The following NEK4 variants were observed in gnomAD, a reference collection of about 807,000 sequenced individuals.
The protein encoded by NEK4 is serine/threonine-protein kinase Nek4.
In NEK4, 86 loss-of-function variants were observed where a neutral mutation model predicts 98.4. That is an observed-to-expected ratio of 0.87 (90% CI 0.73 to 1.05). The LOEUF (loss-of-function observed/expected upper bound fraction) is 1.05, where lower values mean the gene tolerates loss of function less well. NEK4 is among the 50% of genes least tolerant of loss of function. The pLI is 0.00. For synonymous variants in NEK4, 328 were observed against 342.2 expected (o/e 0.96, Z 0.46); for missense variants, 898 against 950.3 (o/e 0.94, Z 0.72).
chr3:52,752,150 G>A lies in NEK4; in HGVS notation c.1150C>T (p.Gln384Ter). ...TCCAAATATCTTGGCTGATTCTCCTGAACAAAGCCATCACTCACTGAATCC... is the reference window on the plus strand; with the variant it reads ...TCCAAATATCTTGGCTGATTCTCCTAAACAAAGCCATCACTCACTGAATCC... ...GRDSVSDGFV[Q>*]ENQPRYLDAS... Residue 384 changes from glutamine to a stop codon, truncating the protein, a stop_gained, in exon 7 of 16, where the codon CAG becomes TAG. Coordinates refer to ENST00000233027, the MANE Select transcript of NEK4 (RefSeq NM_003157.6). LOFTEE classifies it high-confidence loss of function. 6.2e-7 allele frequency: 1 copy of A among 1,614,130 alleles called. No individual in the cohort carries two copies. The highest frequency in any genetic ancestry group is 1.7e-5 in the Admixed American group (1 of 60,008).
intron 3 of NEK4, 35 bp downstream of exon 3, chr3:52,766,143 G>A: frequency 1.9e-6 from 3 of 1,576,764 alleles, no homozygotes; most frequent in Non-Finnish European, 2.6e-6. Context: ...CTCTCCCAGA[G>A]ACAAGGTAAG....
intron 15 of NEK4, among the ~76,000 whole-genome samples, chr3:52,717,038 G>A (rs1023989102): frequency 2.6e-5 from 4 of 152,200 alleles, no homozygotes; most frequent in African/African-American, 9.6e-5. Flanking sequence ...CAGGCAAGAA[G>A]TGGGAGCTCC....
chr3:52,767,150 G>A (rs1698597612), intron 2 of NEK4, among the ~76,000 whole-genome samples: 3 of 152,000 alleles, frequency 2.0e-5, no homozygotes, highest in Admixed American at 2.0e-4. Context: ...GCTGGGCATG[G>A]TGACGCACGC....
Position 52,763,684 on chromosome 3 carries a change from T to C in NEK4, c.667-60A>G, listed in dbSNP as rs550229722. ...TGGTCTTGTGAAACAAAGTAAAAGC[T>C]GGTAGAGGTTTCCCAATATTTATTT... On this transcript the variant is annotated intron_variant, in intron 4 of 15. Coordinates refer to ENST00000233027, the MANE Select transcript of NEK4 (RefSeq NM_003157.6). The C allele has an allele frequency of 1.1e-5, 14 of 1,283,416 alleles. No individual in the cohort carries two copies. The African/African-American group carries it at 1.9e-4, about 18-fold the overall frequency. The allele number at this position is 1,283,416 out of a possible 1,614,324, so 79.5% of individuals were successfully genotyped here. A position where few individuals can be genotyped will look rare whatever the true frequency, so the allele number is the denominator to read the frequency against.
At chr3:52,731,088 A>G (rs1012362793) in intron 15 of NEK4, among the ~76,000 whole-genome samples, 4 of 152,214 alleles carry the variant, frequency 2.6e-5, no homozygotes, top group East Asian at 3.8e-4. Flanking sequence ...TGTTGAGCCT[A>G]TAACATATAG....
intron 4 of NEK4, among the ~76,000 whole-genome samples, chr3:52,765,194 T>C (rs746796207): frequency 7.9e-5 from 12 of 151,762 alleles, no homozygotes; most frequent in South Asian, 2.1e-4. Context: ...GTACTAAAAA[T>C]ACAAAAATTA....
chr3:52,751,945 T>C lies in NEK4; in HGVS notation c.1355A>G (p.Lys452Arg), dbSNP rs1393115584. Residue 452 changes from lysine (K) to arginine (R), a missense_variant, in exon 7 of 16, where the codon AAG becomes AGG. Lys to Arg is a conservative substitution (Grantham distance 26). Transcript: ENST00000233027. Reference protein sequence around the residue: ...KPLQPLIKEQKPKDQSLALSP... With the variant: ...KPLQPLIKEQRPKDQSLALSP... ...CATATCACTCACCTGGTCCTTTGGC[T>C]TTTGTTCTTTGATTAGGGGCTGCAG... The C allele has an allele frequency of 6.2e-7, 1 of 1,613,302 alleles. No homozygotes were observed. Among genetic ancestry groups the C allele is most frequent in the African/African-American group, 1.3e-5 (1 of 74,996 alleles).
chr3:52,751,778 G>A (rs1004217272), intron 7 of NEK4, among the ~76,000 whole-genome samples, 154 bp downstream of exon 7: 4 of 152,174 alleles, frequency 2.6e-5, no homozygotes, highest in Admixed American at 6.5e-5. Flanking sequence ...TAGGGTACTG[G>A]GTTTCTTTTT....
intron 6 of NEK4, among the ~76,000 whole-genome samples, chr3:52,756,969 T>C (rs568009653): frequency 6.6e-6 from 1 of 152,094 alleles, no homozygotes; most frequent in Non-Finnish European, 1.5e-5. Context: ...CCCAAAAAGA[T>C]AGCAAACGGC....
At chr3:52,745,701 C>CA (rs2097394863) in intron 10 of NEK4, among the ~76,000 whole-genome samples, 2 of 152,066 alleles carry the variant, frequency 1.3e-5, no homozygotes. Flanking sequence ...ACTTTACAAA[C>CA]AAAAAGCTTT....
chr3:52,713,533 G>A (rs1479005256), intron 15 of NEK4, among the ~76,000 whole-genome samples: 2 of 152,160 alleles, frequency 1.3e-5, no homozygotes, highest in African/African-American at 4.8e-5. Context: ...AGTAGCTCAC[G>A]CCTGTAATCC....
intron 8 of NEK4, among the ~76,000 whole-genome samples, chr3:52,748,182 T>A (rs2097399634): frequency 6.6e-6 from 1 of 151,546 alleles, no homozygotes; most frequent in African/African-American, 2.4e-5. Flanking sequence ...TTAGCCAGGA[T>A]GGTCTCGATC....
At chr3:52,753,651 C>T (rs1279089212) in intron 6 of NEK4, 11 of 585,952 alleles carry the variant, frequency 1.9e-5, no homozygotes, top group South Asian at 1.2e-4. Context: ...CCTTCTATTC[C>T]CAAAAATGCT....
At chr3:52,734,871 CT>C in intron 15 of NEK4, 1 of 272,484 alleles carries the variant, frequency 3.7e-6, no homozygotes, top group Admixed American at 4.6e-5. Context: ...AGACTAAAGG[CT>C]TGTGAACTGA....
intron 6 of NEK4, among the ~76,000 whole-genome samples, chr3:52,758,679 A>G (rs1453586058): frequency 6.6e-6 from 1 of 152,174 alleles, no homozygotes; most frequent in Non-Finnish European, 1.5e-5. Flanking sequence ...TAACTAAAAA[A>G]GGAAAGAAAA....
intron 15 of NEK4, chr3:52,732,715 G>C (rs2097371100): frequency 3.3e-6 from 1 of 302,778 alleles, no homozygotes; most frequent in Admixed American, 3.6e-5. Flanking sequence ...GGTCTTTCTG[G>C]GAATCTGTCT....
At chr3:52,753,939 G>A (rs2097410156) in intron 6 of NEK4, 2 of 301,156 alleles carry the variant, frequency 6.6e-6, no homozygotes, top group East Asian at 1.8e-4. Flanking sequence ...AGAGTCCGAG[G>A]CGGTGGAGCA....
At chr3:52,757,061 C>G (rs543420065) in intron 6 of NEK4, among the ~76,000 whole-genome samples, 14 of 152,250 alleles carry the variant, frequency 9.2e-5, no homozygotes, top group African/African-American at 3.1e-4. Flanking sequence ...CCACCTCATG[C>G]CCATTAGGAT....
In NEK4 at chr3:52,713,537, G is replaced by A. The variant is rs1318156085; in HGVS notation, c.2434-1668C>T. On this transcript the variant is annotated intron_variant, in intron 15 of 15. Coordinates refer to ENST00000233027, the MANE Select transcript of NEK4 (RefSeq NM_003157.6). ...CAGCCAGGCATAGTAGCTCACGCCT[G>A]TAATCCCAGCACTTTGGGAGGCCGA... 6.6e-5 allele frequency among the ~76,000 whole-genome samples: 10 copies of A among 152,354 alleles called. No individual in the cohort carries two copies. In the East Asian group the frequency reaches 1.9e-3, roughly 29 times the overall value.
Sources: gnomAD v4.1 joint callset for allele counts (sites outside exome capture counted in the v4.1 genomes callset) on GRCh38, gnomAD v4.1.1 for gene constraint, MANE v1.5 for transcripts, NCBI Gene and HGNC (gene_info 2026-07-23, HGNC 2026-07-21) for gene names.